BLVRA: variants seen among roughly 807,000 people sequenced by gnomAD.
BLVRA encodes biliverdin reductase A.
Under a neutral mutation model 32.8 loss-of-function variants are expected in BLVRA, and 22 were observed. The ratio of observed to expected loss-of-function variants is 0.67; its 90% CI spans 0.48 to 0.96. The LOEUF is 0.96. Ranked by LOEUF, BLVRA falls within the 40% of genes least tolerant of loss-of-function variation. The pLI, the probability that BLVRA is intolerant of heterozygous loss-of-function variation, is 0.00. For synonymous variants in BLVRA, 119 were observed against 141.3 expected (o/e 0.84, Z 1.12); for missense variants, 323 against 358.1 (o/e 0.90, Z 0.79).
chr7:43,758,491 C>T (rs1159703211), upstream of BLVRA, among the ~76,000 whole-genome samples: 3 of 152,142 alleles, frequency 2.0e-5, no homozygotes, highest in Non-Finnish European at 4.4e-5. Context: ...ACGGTTCTTA[C>T]GGCCCCAGGC....
chr7:43,783,534 A>G (rs969740250), intron 2 of BLVRA, among the ~76,000 whole-genome samples: 2 of 152,196 alleles, frequency 1.3e-5, no homozygotes, highest in African/African-American at 2.4e-5. Context: ...AGTCTATCAT[A>G]ACTTTCATAG....
intron 2 of BLVRA, among the ~76,000 whole-genome samples, chr7:43,778,215 C>T (rs1179732320): frequency 6.5e-4 from 99 of 152,286 alleles, no homozygotes; most frequent in African/African-American, 2.1e-3. Context: ...GGAGGAGAGG[C>T]GCTCTGCTTT....
chr7:43,763,775 T>C (rs1213327975), intron 1 of BLVRA, among the ~76,000 whole-genome samples: 1 of 152,204 alleles, frequency 6.6e-6, no homozygotes, highest in African/African-American at 2.4e-5. Context: ...AGTTGAATAT[T>C]TTATATAAGT....
chr7:43,790,170 G>T (rs998023264), intron 3 of BLVRA, among the ~76,000 whole-genome samples: 1 of 151,934 alleles, frequency 6.6e-6, no homozygotes, highest in Non-Finnish European at 1.5e-5. Flanking sequence ...ATTCCCCCAT[G>T]ACTGCCACCC....
Position 43,796,104 on chromosome 7 carries a change from A to T in BLVRA, c.352+3292A>T, listed in dbSNP as rs2095792449. On this transcript the variant is annotated intron_variant, in intron 5 of 7. Transcript: ENST00000265523. ...CACTGTACTCCATCCTGGGCAACAG[A>T]GCGAGACTCTGTCTCACAAAAAAAA... Among the ~76,000 whole-genome samples the T allele has an allele frequency of 5.5e-5, 8 of 145,882 alleles. 1 individual carries two copies. In the South Asian group the frequency reaches 1.7e-3, roughly 32 times the overall value.
intron 4 of BLVRA, among the ~76,000 whole-genome samples, chr7:43,792,376 C>G (rs1364828590): frequency 6.6e-6 from 1 of 152,130 alleles, no homozygotes; most frequent in Non-Finnish European, 1.5e-5. Context: ...GGTTTTGTAG[C>G]CTTTATAGCT....
chr7:43,771,252 T>G (rs1318335560), intron 2 of BLVRA, 82 bp downstream of exon 2: 3 of 1,493,568 alleles, frequency 2.0e-6, no homozygotes, highest in Non-Finnish European at 2.8e-6. Flanking sequence ...CTCCATTCCC[T>G]TTCAGAAACA....
chr7:43,780,899 A>C (rs28458462), intron 2 of BLVRA, among the ~76,000 whole-genome samples: 23,643 of 152,230 alleles, frequency 0.16, 2,240 homozygotes, highest in Non-Finnish European at 0.21. Context: ...GTAATCCCAA[A>C]ACTTTGGGAG....
chr7:43,788,147 G>C, intron 3 of BLVRA, 122 bp downstream of exon 3: 1 of 1,545,372 alleles, frequency 6.5e-7, no homozygotes, highest in South Asian at 1.1e-5. Context: ...TGAGAACTGT[G>C]CTTAGGGTCA....
chr7:43,795,150 G>A (rs889544212), intron 5 of BLVRA, among the ~76,000 whole-genome samples: 4 of 152,352 alleles, frequency 2.6e-5, no homozygotes, highest in Admixed American at 2.0e-4. Context: ...GGTGGAGGTT[G>A]CAGTGAGCCA....
At chr7:43,781,198 G>A (rs927134698) in intron 2 of BLVRA, among the ~76,000 whole-genome samples, 3 of 150,800 alleles carry the variant, frequency 2.0e-5, no homozygotes, top group Admixed American at 1.3e-4. Context: ...TTGGTGTAGA[G>A]GTTTACCCAT....
chr7:43,760,055 A>G (rs1245148363), intron 1 of BLVRA: 2 of 141,576 alleles, frequency 1.4e-5, no homozygotes, highest in East Asian at 4.1e-4. Context: ...CAGTGGCGCG[A>G]TCTCGGCTCA....
chr7:43,797,081 A>C (rs908428034), intron 5 of BLVRA, among the ~76,000 whole-genome samples: 1 of 152,232 alleles, frequency 6.6e-6, no homozygotes, highest in African/African-American at 2.4e-5. Context: ...ATGGAGGATC[A>C]GATGGTAGCA....
At chr7:43,783,627 C>G (rs776106170) in intron 2 of BLVRA, among the ~76,000 whole-genome samples, 1 of 152,130 alleles carries the variant, frequency 6.6e-6, no homozygotes, top group East Asian at 1.9e-4. Flanking sequence ...AGTCACTTGA[C>G]TTGTGTAGCT....
At chr7:43,796,121 C>CAAAAAAAA (rs371922009) in intron 5 of BLVRA, among the ~76,000 whole-genome samples, 1 of 66,704 alleles carries the variant, frequency 1.5e-5, no homozygotes, top group Non-Finnish European at 3.0e-5. Flanking sequence ...CTCTGTCTCA[C>CAAAAAAAA]AAAAAAAAAA....
Position 43,803,909 on chromosome 7 carries a change from A to G in BLVRA, c.632+62A>G, listed in dbSNP as rs1457318011. On this transcript the variant is annotated intron_variant, in intron 7 of 7. Coordinates refer to ENST00000265523, the MANE Select transcript of BLVRA (RefSeq NM_000712.4). Reference sequence around the variant, plus strand: ...AGGACATCCTAGTACATTTGCAGGTATGATCCAAAGGGAGCCCCGAGGGGC... The same window carrying G: ...AGGACATCCTAGTACATTTGCAGGTGTGATCCAAAGGGAGCCCCGAGGGGC... 5.0e-6 allele frequency: 8 copies of G among 1,598,246 alleles called. No homozygotes were observed. In the African/African-American group the frequency reaches 5.4e-5, roughly 11 times the overall value.
intron 1 of BLVRA, among the ~76,000 whole-genome samples, chr7:43,763,749 T>C (rs556476239): frequency 1.3e-5 from 2 of 152,342 alleles, no homozygotes; most frequent in African/African-American, 2.4e-5. Context: ...AAATATTTGC[T>C]GATGCCTGAG....
chr7:43,800,332 C>G (rs1360559200), intron 5 of BLVRA, 133 bp from the exon 6 acceptor site: 1 of 813,504 alleles, frequency 1.2e-6, no homozygotes, highest in Non-Finnish European at 2.1e-6. Context: ...GGTAGGGAGG[C>G]CATCCTGGCC....
At position 43,805,513 on chromosome 7, in the gene BLVRA, C is replaced by T. The variant is rs544808276; in HGVS notation, c.633-1464C>T. ...GGTCAGGATGGTCTTGAACTCCTGA[C>T]CTCAAGTGATCTGCTCACCTTGGCC... On this transcript the variant is annotated intron_variant, in intron 7 of 7. Coordinates refer to ENST00000265523, the MANE Select transcript of BLVRA (RefSeq NM_000712.4). Among the ~76,000 whole-genome samples, 4 of 152,084 alleles carry T rather than the reference C, an allele frequency of 2.6e-5. No homozygotes were observed. The East Asian group carries it at 5.8e-4, about 22-fold the overall frequency.
Sources: gnomAD v4.1 joint callset for allele counts (sites outside exome capture counted in the v4.1 genomes callset) on GRCh38, gnomAD v4.1.1 for gene constraint, MANE v1.5 for transcripts, NCBI Gene and HGNC (gene_info 2026-07-23, HGNC 2026-07-21) for gene names.